The following PLG variants were observed in gnomAD, a reference collection of about 807,000 sequenced individuals.
The protein encoded by PLG is plasminogen, also known as plasmin.
In PLG, 41 loss-of-function variants were observed where a neutral mutation model predicts 104.4. That is an observed-to-expected ratio of 0.39 (90% CI 0.31 to 0.51). The LOEUF (loss-of-function observed/expected upper bound fraction) is 0.51, where lower values mean the gene tolerates loss of function less well. Among genes scored for constraint, PLG ranks in the 20% least tolerant of loss-of-function variants. PLG has a pLI of 0.76. For synonymous variants in PLG, 337 were observed against 357.1 expected, an observed-to-expected ratio of 0.94 and a Z score of 0.63; for missense variants, 891 against 1,003.6, an observed-to-expected ratio of 0.89 and a Z score of 1.52.
intron 12 of PLG, among the ~76,000 whole-genome samples, chr6:160,733,547 A>C (rs1454004345): frequency 6.6e-6 from 1 of 151,486 alleles, no homozygotes; most frequent in Non-Finnish European, 1.5e-5. Flanking sequence ...TAATAATAGA[A>C]AGGAAGAAGA....
Position 160,752,787 on chromosome 6 carries a change from T to C in PLG, c.2272-113T>C, listed in dbSNP as rs1778423642. The C allele has an allele frequency of 3.0e-6, 4 of 1,315,754 alleles. 1 individual carries two copies. The highest frequency in any genetic ancestry group is 2.4e-5 in the South Asian group (2 of 83,200). 81.5% of individuals were successfully genotyped at this position (1,315,754 alleles called of 1,614,324 possible). A position where few individuals can be genotyped will look rare whatever the true frequency, so the allele number is the denominator to read the frequency against. ...CTTGAGTAATATGCTCATAAGTTCC[T>C]TTCTGATTTCAATTACTGGGAAAAT... On this transcript the variant is annotated intron_variant, in intron 18 of 18. Coordinates refer to ENST00000308192, the MANE Select transcript of PLG (RefSeq NM_000301.5). This position sits in a 1 kb window ranked among gnomAD's most constrained non-coding sequence, Gnocchi z 4.7.
Position 160,735,704 on chromosome 6 carries a change from C to T in PLG, c.1682-1183C>T, listed in dbSNP as rs1005334229. Among the ~76,000 whole-genome samples, 8 of 152,148 alleles carry T rather than the reference C, an allele frequency of 5.3e-5. No individual in the cohort carries two copies. The highest frequency in any genetic ancestry group is 1.9e-4 in the East Asian group (1 of 5,202). On this transcript the variant is annotated intron_variant, in intron 13 of 18. Transcript: ENST00000308192. This position sits in a 1 kb window ranked among gnomAD's most constrained non-coding sequence, Gnocchi z 5.4. ...ACTATTTCCTTTCCACCAACATATACAGTACAAATAATAATAAGCAAAAAT... is the reference window on the plus strand; with the variant it reads ...ACTATTTCCTTTCCACCAACATATATAGTACAAATAATAATAAGCAAAAAT...
At chr6:160,733,951 C>T in intron 12 of PLG, 44 bp from the exon 13 acceptor site, 1 of 1,024,970 alleles carries the variant, frequency 9.8e-7, no homozygotes, top group East Asian at 2.4e-5. Flanking sequence ...TTCTCCCTCT[C>T]CTGCCCCACG....
chr6:160,747,474 G>A (rs779602553), intron 17 of PLG, among the ~76,000 whole-genome samples: 1 of 152,184 alleles, frequency 6.6e-6, no homozygotes, highest in Non-Finnish European at 1.5e-5. Context: ...CTGGAAGTGT[G>A]TTCTGACTTT....
At position 160,744,169 on chromosome 6, in the gene PLG, C is replaced by G. The variant is rs145852086; in HGVS notation, c.2125+2752C>G. On this transcript the variant is annotated intron_variant, in intron 17 of 18. Transcript: ENST00000308192. The surrounding 1 kb of genome is among the most constrained non-coding windows in gnomAD (Gnocchi z 4.5). The stretch of plus-strand genomic sequence containing the variant: ...GTTTTGGTATCAGGATGATGCTGAC[C>G]TCATAGAATGAATTGGAGAGGAGAC... Among the ~76,000 whole-genome samples, 26 of 152,252 alleles carry G rather than the reference C, an allele frequency of 1.7e-4. No homozygotes were observed. Among genetic ancestry groups the G allele is most frequent in the African/African-American group, 5.8e-4 (24 of 41,528 alleles).
At chr6:160,722,142 T>C (rs753828351) in intron 9 of PLG, among the ~76,000 whole-genome samples, 5 of 152,152 alleles carry the variant, frequency 3.3e-5, no homozygotes, top group Non-Finnish European at 5.9e-5. Flanking sequence ...TAGGGACCCA[T>C]AAAAAAGAGC....
chr6:160,713,880 A>T (rs535613509), intron 5 of PLG, among the ~76,000 whole-genome samples: 3 of 152,290 alleles, frequency 2.0e-5, no homozygotes, highest in African/African-American at 7.2e-5. Context: ...AAAAATTTTA[A>T]AAAAATCCTA....
chr6:160,738,999 T>C lies in PLG; in HGVS notation c.1878-69T>C, dbSNP rs1778138053. On this transcript the variant is annotated intron_variant, in intron 15 of 18. Transcript: ENST00000308192. This position sits in a 1 kb window ranked among gnomAD's most constrained non-coding sequence, Gnocchi z 6.8. ...AAGGGTGTCAGGGAGACAGCACCAA[T>C]TTCATGGCACAGAGGTTACCTGAAG... 1.3e-6 allele frequency: 2 copies of C among 1,596,238 alleles called. No individual in the cohort carries two copies. The highest frequency in any genetic ancestry group is 2.7e-5 in the African/African-American group (2 of 74,604).
intron 17 of PLG, among the ~76,000 whole-genome samples, chr6:160,750,331 T>C (rs79095486): frequency 0.029 from 4,486 of 152,264 alleles, 256 homozygotes; most frequent in African/African-American, 0.1. Context: ...CTGTGGCCTT[T>C]CTGCCCTCAG....
rs190999502 is a variant in PLG at position 160,708,794 on chromosome 6, A to T, written c.292+988A>T. 1.4e-3 allele frequency among the ~76,000 whole-genome samples: 211 copies of T among 152,274 alleles called. 2 individuals are homozygous for T. Among genetic ancestry groups the T allele is most frequent in the Non-Finnish European group, 2.2e-3 (150 of 68,000 alleles). On this transcript the variant is annotated intron_variant, in intron 3 of 18. Coordinates refer to ENST00000308192, the MANE Select transcript of PLG (RefSeq NM_000301.5). ...TGGAATTATTTCTATGCATTGACTC[A>T]TCTTCCTGGGTTTCATTAGCTGTAC...
In PLG at chr6:160,732,206, G is replaced by C. The variant is rs936659447; in HGVS notation, c.1587+313G>C. Among the ~76,000 whole-genome samples, 3 of 152,090 alleles carry C rather than the reference G, an allele frequency of 2.0e-5. No individual in the cohort carries two copies. The East Asian group carries it at 5.8e-4, about 29-fold the overall frequency. On this transcript the variant is annotated intron_variant, in intron 12 of 18. Transcript: ENST00000308192. This position sits in a 1 kb window ranked among gnomAD's most constrained non-coding sequence, Gnocchi z 4.5. ...CTAGTTTCTAGTGTTTGTATGCTAGGTTCCAGTAATCAAAGATGCCCTTTA... is the reference window on the plus strand; with the variant it reads ...CTAGTTTCTAGTGTTTGTATGCTAGCTTCCAGTAATCAAAGATGCCCTTTA...
chr6:160,741,713 T>C lies in PLG; in HGVS notation c.2125+296T>C, dbSNP rs1037602126. Among the ~76,000 whole-genome samples, 2 of 152,204 alleles carry C rather than the reference T, an allele frequency of 1.3e-5. No individual in the cohort carries two copies. Among genetic ancestry groups the C allele is most frequent in the African/African-American group, 2.4e-5 (1 of 41,442 alleles). On this transcript the variant is annotated intron_variant, in intron 17 of 18. Transcript: ENST00000308192. This position sits in a 1 kb window ranked among gnomAD's most constrained non-coding sequence, Gnocchi z 4.7. ...TTCAGGGGTACATGTGCAAGTTTCT[T>C]GTATATGTAAACAGTGGTTTGTCAT...
At chr6:160,722,275 A>T in intron 9 of PLG, 133 bp from the exon 10 acceptor site, 1 of 642,938 alleles carries the variant, frequency 1.6e-6, no homozygotes, top group Non-Finnish European at 2.8e-6. Context: ...TTTTTATGTT[A>T]ATCTGTCTGC....
At chr6:160,706,001 GT>G (rs1482605698) in intron 1 of PLG, 2 of 219,656 alleles carry the variant, frequency 9.1e-6, no homozygotes, top group African/African-American at 4.6e-5. Context: ...TAATGAAACT[GT>G]TTTTCTTTGT....
chr6:160,735,661 T>C lies in PLG; in HGVS notation c.1682-1226T>C, dbSNP rs1778075038. On this transcript the variant is annotated intron_variant, in intron 13 of 18. Transcript: ENST00000308192. The surrounding 1 kb of genome is among the most constrained non-coding windows in gnomAD (Gnocchi z 5.4). The stretch of plus-strand genomic sequence containing the variant: ...TGCTTGAGAAAGCTAGAGCCTCTGG[T>C]GGTGAATGATTTTAATAACTATTTC... Among the ~76,000 whole-genome samples, 1 of 152,206 alleles carries C rather than the reference T, an allele frequency of 6.6e-6. No individual in the cohort carries two copies. The highest frequency in any genetic ancestry group is 6.5e-5 in the Admixed American group (1 of 15,290).
At position 160,713,004 on chromosome 6, in the gene PLG, C is replaced by A. The variant is rs777371711; in HGVS notation, c.426C>A (p.His142Gln). The change falls in exon 5 of 19, where the codon CAC (histidine) becomes CAA (glutamine). Residue 142 changes from histidine to glutamine, a missense_variant. Coordinates refer to ENST00000308192, the MANE Select transcript of PLG (RefSeq NM_000301.5). The stretch of plus-strand genomic sequence containing the variant: ...TCCCCAGATTCTCACCTGCTACACA[C>A]CCCTCAGAGGGACTGGAGGAGAACT... ...PHRPRFSPAT[H>Q]PSEGLEENYC... 2 of 1,610,302 alleles carry A rather than the reference C, an allele frequency of 1.2e-6. No individual in the cohort carries two copies. Among genetic ancestry groups the A allele is most frequent in the East Asian group, 2.2e-5 (1 of 44,864 alleles).
chr6:160,728,587 C>A (rs1777954624), intron 10 of PLG, among the ~76,000 whole-genome samples: 1 of 152,012 alleles, frequency 6.6e-6, no homozygotes, highest in South Asian at 2.1e-4. Context: ...GGTCCAGAAA[C>A]AGATCCACAT....
intron 12 of PLG, 150 bp from the exon 13 acceptor site, chr6:160,733,845 A>AG: frequency 5.9e-6 from 2 of 340,046 alleles, no homozygotes; most frequent in Admixed American, 4.4e-5. Flanking sequence ...ACTCCACCTC[A>AG]GAAAAAAAAA....
chr6:160,741,309 A>T lies in PLG; in HGVS notation c.2019-2A>T. 6.4e-7 allele frequency: 1 copy of T among 1,574,666 alleles called. No individual in the cohort carries two copies. The highest frequency in any genetic ancestry group is 2.2e-5 in the East Asian group (1 of 44,676). Reference sequence around the variant, plus strand: ...ACATAACTGCTGATGCTTTTCTTTCAGTCCTGCCGTCATCACTGACAAAGT... The same window carrying T: ...ACATAACTGCTGATGCTTTTCTTTCTGTCCTGCCGTCATCACTGACAAAGT... On this transcript the variant is annotated splice_acceptor_variant, in intron 16 of 18. Transcript: ENST00000308192. LOFTEE classifies it high-confidence loss of function. This position sits in a 1 kb window ranked among gnomAD's most constrained non-coding sequence, Gnocchi z 4.7.
Sources: allele counts gnomAD v4.1 joint callset (sites outside exome capture counted in the v4.1 genomes callset), GRCh38; gene constraint gnomAD v4.1.1; non-coding constraint Gnocchi (gnomAD v3.1); transcripts MANE v1.5; gene names NCBI Gene and HGNC (gene_info 2026-07-23, HGNC 2026-07-21).